CCDC88C: variants seen among roughly 807,000 people sequenced by gnomAD.
CCDC88C encodes the protein coiled-coil and HOOK domain protein 88C.
CCDC88C carries 131 observed loss-of-function variants against 198.8 expected under a neutral mutation model. That is an observed-to-expected ratio of 0.66 (90% CI 0.57 to 0.76). CCDC88C has a LOEUF of 0.76. CCDC88C is among the 30% of genes least tolerant of loss of function. The pLI is 0.00. For synonymous variants in CCDC88C, 1,166 were observed against 1,114.7 expected (o/e 1.05, Z -0.92); for missense variants, 2,553 against 2,631.6 (o/e 0.97, Z 0.65).
chr14:91,317,983 G>C lies in CCDC88C; in HGVS notation c.1528-2196C>G, dbSNP rs193189960. Among the ~76,000 whole-genome samples the C allele has an allele frequency of 3.2e-4, 49 of 152,364 alleles. 1 individual carries two copies. Among genetic ancestry groups the C allele is most frequent in the Non-Finnish European group, 5.9e-4 (40 of 68,034 alleles). On this transcript the variant is annotated intron_variant, in intron 13 of 29. Transcript: ENST00000389857. ...ATCACTAGGCCAGAGAGATAATACT[G>C]CAGGCTTTCTGGGGCAGCGTCGTGA...
chr14:91,324,076 G>A (rs572266126), intron 12 of CCDC88C, among the ~76,000 whole-genome samples: 1 of 152,338 alleles, frequency 6.6e-6, no homozygotes, highest in African/African-American at 2.4e-5. Context: ...GCACGATCAC[G>A]TGCACGGGAA....
At chr14:91,278,302 C>T in intron 28 of CCDC88C, 91 bp from the exon 29 acceptor site, 1 of 1,243,570 alleles carries the variant, frequency 8.0e-7, no homozygotes, top group East Asian at 2.7e-5. Context: ...TTGCCCACTT[C>T]AAACTATCAG....
In CCDC88C at chr14:91,338,141, G is replaced by C. The variant is rs749858971; in HGVS notation, c.914C>G (p.Ala305Gly). Reference sequence around the variant, plus strand: ...GTCTCGATAGGCACGAGCAGACCGGGCGTCTGCCGCTAGCTGGATGTTCTG... The same window carrying C: ...GTCTCGATAGGCACGAGCAGACCGGCCGTCTGCCGCTAGCTGGATGTTCTG... ...KQENIQLAAD[A>G]RSARAYRDEL... The change falls in exon 10 of 30, where the codon GCC (alanine) becomes GGC (glycine). Residue 305 changes from alanine to glycine, a missense_variant. Around this residue, in one of 2 missense-constraint regions of CCDC88C, gnomAD observed 1,260 missense variants for 1,412.0 expected, o/e 0.89. Transcript: ENST00000389857. This position sits in a 1 kb window ranked among gnomAD's most constrained non-coding sequence, Gnocchi z 4.8. 6.2e-7 allele frequency: 1 copy of C among 1,613,840 alleles called. No homozygotes were observed. The highest frequency in any genetic ancestry group is 8.5e-7 in the Non-Finnish European group (1 of 1,179,840).
intron 3 of CCDC88C, among the ~76,000 whole-genome samples, chr14:91,362,189 G>A (rs1193339663): frequency 2.7e-5 from 4 of 150,382 alleles, no homozygotes; most frequent in South Asian, 2.1e-4. Flanking sequence ...AGCCGAGATC[G>A]CACCACTGCA....
At chr14:91,308,216 G>A in intron 17 of CCDC88C, 135 bp downstream of exon 17, 1 of 1,017,804 alleles carries the variant, frequency 9.8e-7, no homozygotes, top group Non-Finnish European at 1.4e-6. Flanking sequence ...GGCTCCCTCA[G>A]TCACTCTGTG....
intron 3 of CCDC88C, among the ~76,000 whole-genome samples, chr14:91,406,085 C>G (rs1313126293): frequency 3.9e-5 from 6 of 152,292 alleles, no homozygotes; most frequent in South Asian, 4.1e-4. Flanking sequence ...CCATCTTTTA[C>G]TTTGTGTGGC....
At chr14:91,382,061 TTAGG>T (rs1161369519) in intron 3 of CCDC88C, among the ~76,000 whole-genome samples, 2 of 152,142 alleles carry the variant, frequency 1.3e-5, no homozygotes, top group Middle Eastern at 3.2e-3. Flanking sequence ...CTCAGCAGCC[TTAGG>T]TTTAAGTTTC....
chr14:91,398,852 G>A (rs1886002409), intron 3 of CCDC88C, among the ~76,000 whole-genome samples: 1 of 152,140 alleles, frequency 6.6e-6, no homozygotes, highest in Non-Finnish European at 1.5e-5. Context: ...CTGCAGCCCT[G>A]GGGGCGCACA....
At chr14:91,342,871 T>C (rs115566996) in intron 5 of CCDC88C, among the ~76,000 whole-genome samples, 2,598 of 152,304 alleles carry the variant, frequency 0.017, 85 homozygotes, top group African/African-American at 0.058. Flanking sequence ...TGTGGGCCAT[T>C]TGGCCTCTGT....
rs1892559190 is a variant in CCDC88C, at chr14:91,325,785, G to A, written c.1197+125C>T. 3.2e-6 allele frequency: 3 copies of A among 932,724 alleles called. No homozygotes were observed. Among genetic ancestry groups the A allele is most frequent in the Non-Finnish European group, 4.7e-6 (3 of 633,152 alleles). The allele number at this position is 932,724 out of a possible 1,614,324, so 57.8% of individuals were successfully genotyped here. A position where few individuals can be genotyped will look rare whatever the true frequency, so the allele number is the denominator to read the frequency against. The stretch of plus-strand genomic sequence containing the variant: ...GATGGGGCCTCGCTAGGTTGCCAGG[G>A]TTAGAACTCCTGCGCTCAAGGGATC... On this transcript the variant is annotated intron_variant, in intron 11 of 29. Coordinates refer to ENST00000389857, the MANE Select transcript of CCDC88C (RefSeq NM_001080414.4). The surrounding 1 kb of genome is among the most constrained non-coding windows in gnomAD (Gnocchi z 4.1).
At chr14:91,279,465 G>A (rs1452115969) in intron 27 of CCDC88C, 159 bp from the exon 28 acceptor site, 8 of 593,710 alleles carry the variant, frequency 1.3e-5, no homozygotes, top group South Asian at 6.5e-5. Flanking sequence ...GCGCTCCAGT[G>A]AGGAAGCCTC....
Position 91,402,077 on chromosome 14 carries a change from C to A in CCDC88C, c.270+6582G>T, listed in dbSNP as rs534717489. The stretch of plus-strand genomic sequence containing the variant: ...ATTGCTTGAGCCCAGGAGTTTGAGA[C>A]CAGCCTGGTCAACTTAGCGAGACCT... On this transcript the variant is annotated intron_variant, in intron 3 of 29. Coordinates refer to ENST00000389857, the MANE Select transcript of CCDC88C (RefSeq NM_001080414.4). Among the ~76,000 whole-genome samples, 14 of 152,166 alleles carry A rather than the reference C, an allele frequency of 9.2e-5. No homozygotes were observed. The East Asian group carries it at 2.7e-3, about 29-fold the overall frequency.
intron 3 of CCDC88C, among the ~76,000 whole-genome samples, chr14:91,388,357 T>C (rs1235221962): frequency 6.6e-6 from 1 of 152,196 alleles, no homozygotes; most frequent in African/African-American, 2.4e-5. Flanking sequence ...GGACTGGGCC[T>C]CGTGGCTCTA....
chr14:91,300,125 G>T, intron 20 of CCDC88C, 55 bp from the exon 21 acceptor site: 1 of 1,573,286 alleles, frequency 6.4e-7, no homozygotes, highest in Non-Finnish European at 8.6e-7. Context: ...TTTCCGACAG[G>T]TAACTCACAT....
At chr14:91,377,883 C>T (rs1235400890) in intron 3 of CCDC88C, among the ~76,000 whole-genome samples, 3 of 151,872 alleles carry the variant, frequency 2.0e-5, no homozygotes, top group Non-Finnish European at 4.4e-5. Context: ...GGAAGGGAGG[C>T]GCGCTGCCTC....
intron 3 of CCDC88C, among the ~76,000 whole-genome samples, chr14:91,403,132 C>G (rs549765107): frequency 1.3e-5 from 2 of 152,310 alleles, no homozygotes; most frequent in Non-Finnish European, 1.5e-5. Context: ...CCCAGAGAGA[C>G]GGCGGGACCC....
At chr14:91,286,605 C>G (rs1407110160) in intron 25 of CCDC88C, among the ~76,000 whole-genome samples, 1 of 152,224 alleles carries the variant, frequency 6.6e-6, no homozygotes, top group East Asian at 1.9e-4. Flanking sequence ...ACCAGGATTT[C>G]CATTATTTCT....
Position 91,292,520 on chromosome 14 carries a change from C to T in CCDC88C, c.4113-1436G>A, listed in dbSNP as rs147290021. 2.1e-3 allele frequency among the ~76,000 whole-genome samples: 313 copies of T among 152,268 alleles called. 1 individual carries two copies. Among genetic ancestry groups the T allele is most frequent in the African/African-American group, 7.3e-3 (302 of 41,538 alleles). Reference sequence around the variant, plus strand: ...TGCTTTTACATACAAACCATCCTCCCGAAGGTGGCACGCCAGCCCTAGACA... The same window carrying T: ...TGCTTTTACATACAAACCATCCTCCTGAAGGTGGCACGCCAGCCCTAGACA... On this transcript the variant is annotated intron_variant, in intron 23 of 29. Coordinates refer to ENST00000389857, the MANE Select transcript of CCDC88C (RefSeq NM_001080414.4).
intron 3 of CCDC88C, chr14:91,407,999 T>A (rs1567127535): frequency 1.3e-5 from 2 of 151,334 alleles, no homozygotes. Flanking sequence ...AGGATGGTCT[T>A]GATCTCTTGA....
Sources: allele counts gnomAD v4.1 joint callset (sites outside exome capture counted in the v4.1 genomes callset), GRCh38; gene constraint gnomAD v4.1.1; regional missense constraint gnomAD v4.1.1; non-coding constraint Gnocchi (gnomAD v3.1); transcripts MANE v1.5; gene names NCBI Gene and HGNC (gene_info 2026-07-23, HGNC 2026-07-21).